GAB2: variants seen among roughly 807,000 people sequenced by gnomAD.
GAB2 encodes the protein GRB2-associated-binding protein 2.
GAB2 carries 26 observed loss-of-function variants against 65.5 expected under a neutral mutation model. That is an observed-to-expected ratio of 0.40 (90% confidence interval 0.29 to 0.55). The LOEUF (loss-of-function observed/expected upper bound fraction) is 0.55. Ranked by LOEUF, GAB2 falls within the 20% of genes least tolerant of loss-of-function variation. The pLI, the probability that GAB2 is intolerant of heterozygous loss-of-function variation, is 0.53. For synonymous variants in GAB2, 321 were observed against 329.6 expected, an observed-to-expected ratio of 0.97 and a Z score of 0.28; for missense variants, 884 against 875.8, an observed-to-expected ratio of 1.01 and a Z score of -0.12.
intron 2 of GAB2, among the ~76,000 whole-genome samples, chr11:78,263,561 A>G (rs111614708): frequency 6.0e-5 from 9 of 150,424 alleles, no homozygotes; most frequent in Non-Finnish European, 1.2e-4. Flanking sequence ...TGAACCCAGG[A>G]GGCAGAGGTT....
At chr11:78,242,056 T>TA (rs1162810638) in intron 3 of GAB2, among the ~76,000 whole-genome samples, 1 of 152,248 alleles carries the variant, frequency 6.6e-6, no homozygotes, top group African/African-American at 2.4e-5. Flanking sequence ...CAAGAGATTT[T>TA]AAAAGAATTG....
At chr11:78,314,072 C>G (rs894584497) in intron 1 of GAB2, among the ~76,000 whole-genome samples, 1 of 152,122 alleles carries the variant, frequency 6.6e-6, no homozygotes, top group Non-Finnish European at 1.5e-5. Context: ...TGCAATTCAC[C>G]CATAAAAGCA....
chr11:78,291,379 T>C (rs1204059668), intron 1 of GAB2, among the ~76,000 whole-genome samples: 1 of 148,208 alleles, frequency 6.7e-6, no homozygotes, highest in African/African-American at 2.5e-5. Flanking sequence ...GGCAGAAGAA[T>C]GGCTTGAACC....
chr11:78,251,583 T>C (rs1457161328), intron 2 of GAB2, among the ~76,000 whole-genome samples: 1 of 152,224 alleles, frequency 6.6e-6, no homozygotes, highest in Non-Finnish European at 1.5e-5. Flanking sequence ...TATGGAAGCA[T>C]CATCAGTCCT....
intron 1 of GAB2, among the ~76,000 whole-genome samples, chr11:78,386,774 C>T (rs192859094): frequency 4.6e-5 from 7 of 152,216 alleles, no homozygotes; most frequent in Middle Eastern, 3.4e-3. Flanking sequence ...GAGTAATGAC[C>T]GCAGTCAGGG....
intron 1 of GAB2, among the ~76,000 whole-genome samples, chr11:78,320,904 T>C (rs1271874467): frequency 6.6e-6 from 1 of 151,936 alleles, no homozygotes; most frequent in Admixed American, 6.6e-5. Flanking sequence ...CAGTAAGAAA[T>C]TATGGCTTAA....
intron 1 of GAB2, among the ~76,000 whole-genome samples, chr11:78,316,813 A>T (rs1339528789): frequency 6.6e-6 from 1 of 152,242 alleles, no homozygotes; most frequent in Non-Finnish European, 1.5e-5. Context: ...GAAAGCAGGA[A>T]CACAAACGGA....
chr11:78,349,178 T>A (rs1490156835), intron 1 of GAB2, among the ~76,000 whole-genome samples: 2 of 152,182 alleles, frequency 1.3e-5, no homozygotes, highest in African/African-American at 4.8e-5. Flanking sequence ...GTGTAAATTA[T>A]CCTTTGAAGT....
At chr11:78,343,326 C>A (rs1176619324) in intron 1 of GAB2, among the ~76,000 whole-genome samples, 12 of 141,444 alleles carry the variant, frequency 8.5e-5, no homozygotes, top group Admixed American at 8.4e-4. Flanking sequence ...CTCCCAAACC[C>A]CAAAGAAGTG....
intron 1 of GAB2, among the ~76,000 whole-genome samples, chr11:78,381,642 A>C (rs1439799254): frequency 1.3e-5 from 2 of 151,998 alleles, no homozygotes; most frequent in Non-Finnish European, 2.9e-5. Flanking sequence ...AGATCTCCTA[A>C]ACATGTTACT....
At chr11:78,389,700 T>C (rs1465522526) in intron 1 of GAB2, among the ~76,000 whole-genome samples, 2 of 152,192 alleles carry the variant, frequency 1.3e-5, no homozygotes, top group African/African-American at 4.8e-5. Context: ...TGTACACTTT[T>C]AAATGGTGAC....
intron 1 of GAB2, among the ~76,000 whole-genome samples, chr11:78,366,702 T>G (rs1214564194): frequency 6.8e-6 from 1 of 148,038 alleles, no homozygotes; most frequent in African/African-American, 2.5e-5. Context: ...ATCAAAAACC[T>G]TCTATATTCA....
intron 1 of GAB2, among the ~76,000 whole-genome samples, chr11:78,293,953 C>T (rs1866749651): frequency 6.6e-6 from 1 of 152,074 alleles, no homozygotes; most frequent in Non-Finnish European, 1.5e-5. Context: ...TTTTAGGGTA[C>T]ATGTGCACAA....
At chr11:78,333,980 T>A (rs1855957736) in intron 1 of GAB2, among the ~76,000 whole-genome samples, 1 of 152,178 alleles carries the variant, frequency 6.6e-6, no homozygotes, top group Admixed American at 6.5e-5. Flanking sequence ...TAGACTGGCA[T>A]CTCCAGACTA....
intron 1 of GAB2, among the ~76,000 whole-genome samples, chr11:78,297,297 T>C (rs1866858763): frequency 6.6e-6 from 1 of 151,812 alleles, no homozygotes; most frequent in Non-Finnish European, 1.5e-5. Flanking sequence ...TAAAATATTA[T>C]AAAATTAAAA....
In GAB2 at chr11:78,225,222, T is replaced by G. The variant is rs1341481331; in HGVS notation, c.1208-20A>C. On this transcript the variant is annotated intron_variant, in intron 4 of 9. Transcript: ENST00000361507. ...AAGAAGCTGACAGAGGAAGGAGGAT[T>G]CATAAGTACTCATGGTTGATTCATG... The G allele has an allele frequency of 9.4e-6, 14 of 1,488,370 alleles. No individual in the cohort carries two copies. Among genetic ancestry groups the G allele is most frequent in the Non-Finnish European group, 1.3e-5 (14 of 1,065,590 alleles). The allele number at this position is 1,488,370 out of a possible 1,614,324, so 92.2% of individuals were successfully genotyped here. A position where few individuals can be genotyped will look rare whatever the true frequency, so the allele number is the denominator to read the frequency against.
intron 1 of GAB2, among the ~76,000 whole-genome samples, chr11:78,300,184 G>C (rs1348279529): frequency 1.3e-5 from 2 of 151,996 alleles, no homozygotes; most frequent in Admixed American, 1.3e-4. Context: ...GTCTTTTCTA[G>C]AACATCACAA....
At chr11:78,360,333 C>T (rs1161943076) in intron 1 of GAB2, among the ~76,000 whole-genome samples, 1 of 150,598 alleles carries the variant, frequency 6.6e-6, no homozygotes, top group East Asian at 1.9e-4. Context: ...TTTTGGGAGG[C>T]CAAAGCTGGC....
At chr11:78,242,226 G>A (rs1865152088) in intron 3 of GAB2, among the ~76,000 whole-genome samples, 1 of 152,206 alleles carries the variant, frequency 6.6e-6, no homozygotes, top group Non-Finnish European at 1.5e-5. Flanking sequence ...TTTAGAGCCG[G>A]GTGTGGTGGC....
Sources: allele counts gnomAD v4.1 joint callset (sites outside exome capture counted in the v4.1 genomes callset), GRCh38; gene constraint gnomAD v4.1.1; transcripts MANE v1.5; gene names NCBI Gene and HGNC (gene_info 2026-07-23, HGNC 2026-07-21).